The following DNAH14 variants were observed in gnomAD, a reference collection of about 807,000 sequenced individuals.
DNAH14 encodes the protein axonemal beta dynein heavy chain 14.
In DNAH14, 478 loss-of-function variants were observed where a neutral mutation model predicts 520.9. The observed-to-expected ratio is 0.92, with a 90% CI of 0.85 to 0.99. The LOEUF is 0.99. Among genes scored for constraint, DNAH14 ranks in the 50% least tolerant of loss-of-function variants. The pLI, the probability that DNAH14 is intolerant of heterozygous loss-of-function variation, is 0.00. For missense variants in DNAH14, 4,831 were observed against 5,234.5 expected (o/e 0.92, Z 2.38); for synonymous variants, 1,581 against 1,757.2 (o/e 0.90, Z 2.51).
intron 65 of DNAH14, among the ~76,000 whole-genome samples, chr1:225,332,830 CAA>C (rs36110645): frequency 0.3 from 27,061 of 90,344 alleles, 2,106 homozygotes; most frequent in East Asian, 0.4. Flanking sequence ...CCTGTCTCTA[CAA>C]AAAAAAAAAA....
intron 76 of DNAH14, among the ~76,000 whole-genome samples, chr1:225,365,400 G>A (rs1048181428): frequency 6.6e-6 from 1 of 152,168 alleles, no homozygotes; most frequent in Non-Finnish European, 1.5e-5. Context: ...GGTCCTAACA[G>A]CAGAGAAAAC....
Position 225,259,158 on chromosome 1 carries a change from A to C in DNAH14, c.7062A>C (p.Gln2354His). The C allele has an allele frequency of 3.2e-6, 5 of 1,546,074 alleles. No homozygotes were observed. Among genetic ancestry groups the C allele is most frequent in the Non-Finnish European group, 4.4e-6 (5 of 1,145,438 alleles). Residue 2354 changes from glutamine (Q) to histidine (H), a missense_variant, in exon 46 of 86, where the codon CAA (glutamine) becomes CAC (histidine). By Grantham distance (24) the Gln-to-His change is conservative. Transcript: ENST00000682510. ...SGVGKTAAINQMLEKLEGPGA... is the reference protein window; with the variant it reads ...SGVGKTAAINHMLEKLEGPGA... ...TTGGGAAAACTGCTGCCATTAATCA[A>C]ATGCTTGAAAAGCTAGAGGGTCCAG...
At chr1:225,258,430 T>C (rs953306092) in intron 45 of DNAH14, among the ~76,000 whole-genome samples, 1 of 152,204 alleles carries the variant, frequency 6.6e-6, no homozygotes, top group Non-Finnish European at 1.5e-5. Context: ...GTAACATTGA[T>C]TGGTTTACTT....
At chr1:225,184,388 G>A (rs147878130) in intron 36 of DNAH14, among the ~76,000 whole-genome samples, 1 of 152,298 alleles carries the variant, frequency 6.6e-6, no homozygotes, top group African/African-American at 2.4e-5. Context: ...GGGAGGCAGA[G>A]GTGAGTGGAT....
chr1:225,298,584 G>T (rs1459705531), intron 55 of DNAH14, among the ~76,000 whole-genome samples: 1 of 152,172 alleles, frequency 6.6e-6, no homozygotes, highest in Non-Finnish European at 1.5e-5. Context: ...TGGACTTGGT[G>T]GAAGAATGAA....
At chr1:225,115,109 T>C (rs888917577) in intron 23 of DNAH14, among the ~76,000 whole-genome samples, 4 of 152,188 alleles carry the variant, frequency 2.6e-5, no homozygotes, top group African/African-American at 9.7e-5. Context: ...ACTGAGATGA[T>C]GCATTTAAAG....
intron 1 of DNAH14, among the ~76,000 whole-genome samples, chr1:224,933,860 A>T (rs1330321001): frequency 1.3e-5 from 2 of 151,962 alleles, no homozygotes; most frequent in African/African-American, 2.4e-5. Context: ...GTCTATGTTC[A>T]TGAGGGATAT....
intron 8 of DNAH14, among the ~76,000 whole-genome samples, chr1:225,002,509 A>C (rs1247780968): frequency 6.6e-6 from 1 of 152,128 alleles, no homozygotes; most frequent in African/African-American, 2.4e-5. Context: ...CTCATATTTC[A>C]AAATTATTAG....
intron 17 of DNAH14, among the ~76,000 whole-genome samples, chr1:225,072,048 C>T (rs1218948471): frequency 1.3e-5 from 2 of 152,146 alleles, no homozygotes; most frequent in Non-Finnish European, 2.9e-5. Context: ...GTGGATCTTA[C>T]TAGGGTTCTC....
chr1:225,205,822 G>A, intron 39 of DNAH14, 149 bp from the exon 40 acceptor site: 1 of 616,720 alleles, frequency 1.6e-6, no homozygotes, highest in Non-Finnish European at 2.8e-6. Flanking sequence ...TTATACCAGG[G>A]ACTACATATA....
chr1:225,108,814 A>C (rs1314916192), intron 23 of DNAH14, among the ~76,000 whole-genome samples: 1 of 152,202 alleles, frequency 6.6e-6, no homozygotes, highest in African/African-American at 2.4e-5. Context: ...GAGAATTTCC[A>C]CAGCGTTTTC....
Position 225,351,717 on chromosome 1 carries a change from T to C in DNAH14, c.11367T>C (p.Tyr3789=). Residue 3789 remains tyrosine (Y), a synonymous_variant, in exon 72 of 86, where the codon TAT becomes TAC. Transcript: ENST00000682510. ...ATTCCAGGTGGAGGCAGTGCCAATA[T>C]GTCAGCACTCACCTGGAACCATTTT... ...LSDSRWRQCQ[Y]VSTHLEPFSL... is the part of the protein sequence containing the mutation. 2 of 1,551,336 alleles carry C rather than the reference T, an allele frequency of 1.3e-6. No individual in the cohort carries two copies. The highest frequency in any genetic ancestry group is 1.7e-6 in the Non-Finnish European group (2 of 1,146,740).
At chr1:225,126,245 C>T (rs575464031) in intron 27 of DNAH14, among the ~76,000 whole-genome samples, 1 of 152,226 alleles carries the variant, frequency 6.6e-6, no homozygotes, top group East Asian at 1.9e-4. Context: ...GATAGACTTG[C>T]TCAATGCAGG....
At position 225,386,201 on chromosome 1, in the gene DNAH14, CT is replaced by C. The variant is rs1322394566; in HGVS notation, c.13078-2176del. On this transcript the variant is annotated intron_variant, in intron 81 of 85. Coordinates refer to ENST00000682510, the MANE Select transcript of DNAH14 (RefSeq NM_001367479.1). ...TATGTAGAAAGCTGAAACTGGATCC[CT>C]TCCTTACACCTGGTATAAAAATTAA... Among the ~76,000 whole-genome samples, 3 of 152,166 alleles carry C rather than the reference CT, an allele frequency of 2.0e-5. No homozygotes were observed. In the East Asian group the frequency reaches 5.8e-4, roughly 29 times the overall value.
chr1:225,063,578 T>C (rs2070456535), intron 17 of DNAH14, among the ~76,000 whole-genome samples: 1 of 151,906 alleles, frequency 6.6e-6, no homozygotes, highest in South Asian at 2.1e-4. Context: ...AGAAATAGAA[T>C]CAATTGCAAA....
intron 53 of DNAH14, among the ~76,000 whole-genome samples, chr1:225,276,485 A>G (rs2093471451): frequency 6.6e-6 from 1 of 152,186 alleles, no homozygotes; most frequent in South Asian, 2.1e-4. Context: ...CATCTTTCCC[A>G]TTGTTGTGGG....
chr1:225,239,888 G>A (rs1413427254), intron 42 of DNAH14, among the ~76,000 whole-genome samples: 1 of 152,086 alleles, frequency 6.6e-6, no homozygotes, highest in African/African-American at 2.4e-5. Flanking sequence ...TAGTTTTATG[G>A]TAATACTAAA....
At chr1:225,156,994 C>A (rs1180733129) in intron 34 of DNAH14, among the ~76,000 whole-genome samples, 3 of 109,368 alleles carry the variant, frequency 2.7e-5, no homozygotes, top group Non-Finnish European at 5.6e-5. Context: ...GGATTACAGG[C>A]GTGAGCCACC....
intron 54 of DNAH14, 129 bp from the exon 55 acceptor site, chr1:225,289,756 G>A (rs1202137888): frequency 1.8e-6 from 1 of 559,068 alleles, no homozygotes; most frequent in Non-Finnish European, 2.8e-6. Context: ...ACTCCCAAAA[G>A]GTTATAAATA....
Sources: gnomAD v4.1 joint callset for allele counts (sites outside exome capture counted in the v4.1 genomes callset) on GRCh38, gnomAD v4.1.1 for gene constraint, MANE v1.5 for transcripts, NCBI Gene and HGNC (gene_info 2026-07-23, HGNC 2026-07-21) for gene names.